TMEM144: variants seen among roughly 807,000 people sequenced by gnomAD.
The protein encoded by TMEM144 is transmembrane protein 144.
Under a neutral mutation model 43.6 loss-of-function variants are expected in TMEM144, and 39 were observed. The ratio of observed to expected loss-of-function variants is 0.90; its 90% CI spans 0.69 to 1.17. The LOEUF is 1.17. Ranked by LOEUF, TMEM144 falls within the 50% of genes most tolerant of loss-of-function variation. The pLI, the probability that TMEM144 is intolerant of heterozygous loss-of-function variation, is 0.00. For missense variants in TMEM144, 417 were observed against 411.9 expected, an observed-to-expected ratio of 1.01 and a Z score of -0.11; for synonymous variants, 154 against 133.6, an observed-to-expected ratio of 1.15 and a Z score of -1.06.
In TMEM144 at chr4:158,253,531, T is replaced by G. The variant is rs749779579; in HGVS notation, c.*4T>G. ...CACTGCTTTTTCTAAAATCTAACAATGACAAAACCAGCAGGTGGCAGCAGT... is the reference window on the plus strand; with the variant it reads ...CACTGCTTTTTCTAAAATCTAACAAGGACAAAACCAGCAGGTGGCAGCAGT... On this transcript the variant is annotated 3_prime_UTR_variant, in exon 13 of 13. Coordinates refer to ENST00000296529, the MANE Select transcript of TMEM144 (RefSeq NM_018342.5). The G allele has an allele frequency of 3.1e-6, 5 of 1,612,252 alleles. No homozygotes were observed. Among genetic ancestry groups the G allele is most frequent in the Non-Finnish European group, 4.2e-6 (5 of 1,178,618 alleles).
At chr4:158,211,395 G>A (rs1377545443) in intron 1 of TMEM144, 58 bp from the exon 2 acceptor site, 3 of 152,178 alleles carry the variant, frequency 2.0e-5, no homozygotes, top group African/African-American at 7.2e-5. Flanking sequence ...TGCTTGTTGT[G>A]AATTAAAATG....
In TMEM144 at chr4:158,253,553, C is replaced by T; in HGVS notation, c.*26C>T. 1 of 1,589,332 alleles carries T rather than the reference C, an allele frequency of 6.3e-7. No homozygotes were observed. The highest frequency in any genetic ancestry group is 8.6e-7 in the Non-Finnish European group (1 of 1,158,540). ...CAATGACAAAACCAGCAGGTGGCAG[C>T]AGTAGTTAAGAGAACGCGTCTATCG... On this transcript the variant is annotated 3_prime_UTR_variant, in exon 13 of 13. Coordinates refer to ENST00000296529, the MANE Select transcript of TMEM144 (RefSeq NM_018342.5).
chr4:158,240,032 C>G (rs182306303), intron 9 of TMEM144, among the ~76,000 whole-genome samples: 2,745 of 152,072 alleles, frequency 0.018, 46 homozygotes, highest in Non-Finnish European at 0.026. Flanking sequence ...ACTGCAGGCA[C>G]CTGCCACCAC....
rs760999504 is a variant in TMEM144 at position 158,237,589 on chromosome 4, A to G, written c.628A>G (p.Ile210Val). 6.2e-7 allele frequency: 1 copy of G among 1,614,014 alleles called. No individual in the cohort carries two copies. The highest frequency in any genetic ancestry group is 1.1e-5 in the South Asian group (1 of 91,068). The change falls in exon 9 of 13, where the codon ATC (isoleucine) becomes GTC (valine). Residue 210 changes from isoleucine to valine, a missense_variant. Transcript: ENST00000296529. ...ATCTACATTTGTGCCAATCATCTAC[A>G]TCAAGGACCACAGCAAAAGAAATGA... ...YGSTFVPIIY[I>V]KDHSKRNDSI...
At chr4:158,242,258 A>C (rs1735670557) in intron 11 of TMEM144, among the ~76,000 whole-genome samples, 1 of 152,166 alleles carries the variant, frequency 6.6e-6, no homozygotes, top group Non-Finnish European at 1.5e-5. Flanking sequence ...GGTGCTTGTT[A>C]TCTGGGAAGG....
chr4:158,224,536 A>G (rs1316649655), intron 6 of TMEM144, among the ~76,000 whole-genome samples: 1 of 152,198 alleles, frequency 6.6e-6, no homozygotes, highest in Non-Finnish European at 1.5e-5. Flanking sequence ...ATAGAATAAC[A>G]TTATACAAAT....
intron 6 of TMEM144, among the ~76,000 whole-genome samples, chr4:158,228,607 T>C (rs918663504): frequency 5.3e-5 from 8 of 152,134 alleles, no homozygotes; most frequent in African/African-American, 1.9e-4. Flanking sequence ...GGCAAATGCC[T>C]ACCCGGGAGC....
chr4:158,226,015 G>A (rs1291495565), intron 6 of TMEM144, among the ~76,000 whole-genome samples: 4 of 152,232 alleles, frequency 2.6e-5, no homozygotes, highest in Non-Finnish European at 5.9e-5. Flanking sequence ...TGGAGCGGGG[G>A]ACAATCTGGG....
chr4:158,247,805 A>G (rs1415825418), intron 12 of TMEM144, among the ~76,000 whole-genome samples: 1 of 152,016 alleles, frequency 6.6e-6, no homozygotes, highest in Non-Finnish European at 1.5e-5. Flanking sequence ...CGCTGTTATA[A>G]TTAGGTAGTT....
chr4:158,232,018 A>C (rs1354691188), intron 6 of TMEM144, among the ~76,000 whole-genome samples: 1 of 152,188 alleles, frequency 6.6e-6, no homozygotes, highest in East Asian at 1.9e-4. Flanking sequence ...AAAGCTTCTT[A>C]TTTTGTTTGA....
chr4:158,229,059 G>A (rs189596452), intron 6 of TMEM144, among the ~76,000 whole-genome samples: 127 of 152,166 alleles, frequency 8.3e-4, no homozygotes, highest in African/African-American at 2.9e-3. Context: ...TAACATAACC[G>A]GTTAGGCCAT....
Position 158,230,584 on chromosome 4 carries a change from A to AAT in TMEM144, c.414-2302_414-2301dup, listed in dbSNP as rs148492299. ...ATTGATGTCTAATATTAACCTTACAAATATATATATATATATGCACACACA... is the reference window on the plus strand; with the variant it reads ...ATTGATGTCTAATATTAACCTTACAAATATATATATATATATATGCACACACA... On this transcript the variant is annotated intron_variant, in intron 6 of 12. Coordinates refer to ENST00000296529, the MANE Select transcript of TMEM144 (RefSeq NM_018342.5). 8.3e-3 allele frequency among the ~76,000 whole-genome samples: 1,238 copies of AAT among 149,190 alleles called. 8 individuals are homozygous for AAT. The highest frequency in any genetic ancestry group is 0.018 in the African/African-American group (735 of 40,864).
intron 12 of TMEM144, 90 bp downstream of exon 12, chr4:158,244,439 A>C: frequency 9.8e-7 from 1 of 1,017,980 alleles, no homozygotes. Flanking sequence ...TGGGAGGCCG[A>C]GGCAGGTGGA....
At position 158,253,681 on chromosome 4, in the gene TMEM144, A is replaced by T; in HGVS notation, c.*154A>T. On this transcript the variant is annotated 3_prime_UTR_variant, in exon 13 of 13. Transcript: ENST00000296529. The stretch of plus-strand genomic sequence containing the variant: ...AATGATTTTTTTCCCCAAAAATGTG[A>T]GAATGAAGGAAGATTGAGTTTCATT... The T allele has an allele frequency of 1.7e-6, 1 of 603,208 alleles. No individual in the cohort carries two copies. Among genetic ancestry groups the T allele is most frequent in the Non-Finnish European group, 2.9e-6 (1 of 348,042 alleles). The allele number at this position is 603,208 out of a possible 1,614,324, so 37.4% of individuals were successfully genotyped here.
chr4:158,227,624 G>A (rs751719036), intron 6 of TMEM144, among the ~76,000 whole-genome samples: 8 of 149,454 alleles, frequency 5.4e-5, no homozygotes, highest in Non-Finnish European at 8.9e-5. Flanking sequence ...CTCTCTTCTC[G>A]CTTATTCTGC....
At chr4:158,242,487 G>C (rs1200564067) in intron 11 of TMEM144, among the ~76,000 whole-genome samples, 1 of 152,072 alleles carries the variant, frequency 6.6e-6, no homozygotes, top group Admixed American at 6.6e-5. Flanking sequence ...CTATCACCTA[G>C]TTTCAACAAT....
At chr4:158,227,960 C>T (rs755930112) in intron 6 of TMEM144, among the ~76,000 whole-genome samples, 13 of 152,106 alleles carry the variant, frequency 8.5e-5, no homozygotes, top group South Asian at 2.1e-4. Flanking sequence ...CATGCTTCTT[C>T]GAGGCAAAAC....
chr4:158,219,370 A>C lies in TMEM144; in HGVS notation c.393A>C (p.Gly131=). Residue 131 remains glycine (G), a synonymous_variant, in exon 6 of 13, where the codon GGA becomes GGC. Coordinates refer to ENST00000296529, the MANE Select transcript of TMEM144 (RefSeq NM_018342.5). ...CAAATCCGCTGCTAAATTACATTGGAGCTGGGCTATCAGTAGTAAGGTACA... is the reference window on the plus strand; with the variant it reads ...CAAATCCGCTGCTAAATTACATTGGCGCTGGGCTATCAGTAGTAAGGTACA... ...EVSNPLLNYI[G]AGLSVVSAFI... 2 of 1,613,874 alleles carry C rather than the reference A, an allele frequency of 1.2e-6. No homozygotes were observed. Among genetic ancestry groups the C allele is most frequent in the Non-Finnish European group, 1.7e-6 (2 of 1,179,822 alleles).
At chr4:158,227,735 C>A (rs1361089745) in intron 6 of TMEM144, among the ~76,000 whole-genome samples, 1 of 152,070 alleles carries the variant, frequency 6.6e-6, no homozygotes, top group Non-Finnish European at 1.5e-5. Context: ...GGTCTGGGTG[C>A]CCTGGCTTTA....
Sources: gnomAD v4.1 joint callset for allele counts (sites outside exome capture counted in the v4.1 genomes callset) on GRCh38, gnomAD v4.1.1 for gene constraint, MANE v1.5 for transcripts, NCBI Gene and HGNC (gene_info 2026-07-23, HGNC 2026-07-21) for gene names.